The following POLR1D variants were observed in gnomAD, a reference collection of about 807,000 sequenced individuals.
The protein encoded by POLR1D is RNA polymerase I and III subunit D.
A neutral mutation model predicts 10.8 loss-of-function variants in POLR1D; 8 were observed. The observed-to-expected ratio is 0.74, with a 90% confidence interval of 0.43 to 1.33. The LOEUF (loss-of-function observed/expected upper bound fraction) is 1.33, where lower values mean the gene tolerates loss of function less well. Among genes scored for constraint, POLR1D ranks in the 40% most tolerant of loss-of-function variants. The probability of loss-of-function intolerance (pLI) is 0.01; values close to 1 mark genes in which losing one functional copy is unlikely to be tolerated. For synonymous variants in POLR1D, 54 were observed against 57.2 expected (o/e 0.94, Z 0.25); for missense variants, 152 against 161.7 (o/e 0.94, Z 0.32).
At chr13:27,656,247 G>T (rs1956307537) in intron 2 of POLR1D, among the ~76,000 whole-genome samples, 1 of 152,126 alleles carries the variant, frequency 6.6e-6, no homozygotes, top group South Asian at 2.1e-4. Context: ...TAGACTGGTT[G>T]AAATTATTTG....
chr13:27,633,561 G>A (rs1479734943), intron 1 of POLR1D, among the ~76,000 whole-genome samples: 1 of 152,168 alleles, frequency 6.6e-6, no homozygotes, highest in Non-Finnish European at 1.5e-5. Flanking sequence ...GCACTTGAAG[G>A]ACAAAACAAA....
exon 3 of POLR1D, chr13:27,666,814 C>A (rs938947106): frequency 5.3e-5 from 8 of 152,090 alleles, no homozygotes; most frequent in Admixed American, 5.2e-4. Context: ...TTTTCATATA[C>A]AATTACAAAC....
intron 1 of POLR1D, among the ~76,000 whole-genome samples, chr13:27,637,880 A>G (rs1189374755): frequency 6.6e-6 from 1 of 151,898 alleles, no homozygotes; most frequent in South Asian, 2.1e-4. Flanking sequence ...ATCCTCCCCC[A>G]TCAGCCTCCT....
At chr13:27,623,570 G>A, downstream of POLR1D, 1 of 292,818 alleles carries the variant, frequency 3.4e-6, no homozygotes, top group South Asian at 3.8e-5. Context: ...CAAGAACTGT[G>A]ATCATGGGAA....
intron 2 of POLR1D, among the ~76,000 whole-genome samples, chr13:27,655,115 T>G (rs2138564923): frequency 6.6e-6 from 1 of 152,304 alleles, no homozygotes; most frequent in Non-Finnish European, 1.5e-5. Context: ...AGATAGGATG[T>G]CTACCCATAG....
At chr13:27,644,389 A>G (rs1455325774) in intron 1 of POLR1D, among the ~76,000 whole-genome samples, 2 of 152,354 alleles carry the variant, frequency 1.3e-5, no homozygotes, top group East Asian at 3.9e-4. Context: ...CCAGATTTGC[A>G]TTCCTACTTG....
chr13:27,648,222 T>C (rs1436674544), intron 1 of POLR1D: 2 of 572,334 alleles, frequency 3.5e-6, no homozygotes, highest in Non-Finnish European at 6.4e-6. Flanking sequence ...CTTTTTAATT[T>C]ATGTGTTCAA....
chr13:27,629,258 T>C (rs1180369891), intron 1 of POLR1D, among the ~76,000 whole-genome samples: 2 of 152,230 alleles, frequency 1.3e-5, no homozygotes, highest in Non-Finnish European at 2.9e-5. Context: ...GCCTGGGTTT[T>C]GATCCTGGCT....
chr13:27,650,152 G>A (rs1956253096), intron 2 of POLR1D: 1 of 397,822 alleles, frequency 2.5e-6, no homozygotes, highest in Non-Finnish European at 4.4e-6. Flanking sequence ...CCCAGCATCA[G>A]TGTGTGATAA....
At chr13:27,630,096 A>G (rs944739537) in intron 1 of POLR1D, among the ~76,000 whole-genome samples, 1 of 152,020 alleles carries the variant, frequency 6.6e-6, no homozygotes, top group Non-Finnish European at 1.5e-5. Context: ...ATTTTTTAGT[A>G]GAGACGGGGT....
At chr13:27,661,110 A>C (rs1005718051) in intron 2 of POLR1D, among the ~76,000 whole-genome samples, 2 of 152,250 alleles carry the variant, frequency 1.3e-5, no homozygotes, top group African/African-American at 2.4e-5. Context: ...GTGAGTCTTC[A>C]TCTCTCCAGT....
At chr13:27,634,256 C>CACAA (rs2138536186) in intron 1 of POLR1D, among the ~76,000 whole-genome samples, 1 of 152,270 alleles carries the variant, frequency 6.6e-6, no homozygotes, top group South Asian at 2.1e-4. Context: ...TGATTAGGAA[C>CACAA]TGTTGTGCTG....
chr13:27,643,479 T>C (rs896832248), intron 1 of POLR1D, among the ~76,000 whole-genome samples: 8 of 152,188 alleles, frequency 5.3e-5, no homozygotes, highest in Non-Finnish European at 1.2e-4. Context: ...CACTAAGTCA[T>C]AAAGAACCCA....
intron 1 of POLR1D, among the ~76,000 whole-genome samples, chr13:27,637,395 G>T (rs1306481721): frequency 1.3e-5 from 2 of 152,116 alleles, no homozygotes; most frequent in Non-Finnish European, 1.5e-5. Flanking sequence ...TACAACTTTG[G>T]CCAGCTAAGA....
downstream of POLR1D, among the ~76,000 whole-genome samples, chr13:27,623,670 A>G (rs1044416820): frequency 1.3e-4 from 17 of 128,212 alleles, no homozygotes; most frequent in Non-Finnish European, 2.6e-4. Context: ...TTGTTGTTTA[A>G]AAACAGAAGG....
chr13:27,638,770 A>G (rs888335158), intron 1 of POLR1D, among the ~76,000 whole-genome samples: 5 of 152,208 alleles, frequency 3.3e-5, no homozygotes, highest in Admixed American at 6.5e-5. Flanking sequence ...AGAACTGCAG[A>G]TGATTTGTAT....
intron 1 of POLR1D, among the ~76,000 whole-genome samples, chr13:27,647,396 T>C (rs1326499774): frequency 6.6e-6 from 1 of 151,724 alleles, no homozygotes; most frequent in Non-Finnish European, 1.5e-5. Context: ...TTATTATTTT[T>C]ATTTTTTTTA....
At chr13:27,642,962 C>T (rs1334985834) in intron 1 of POLR1D, among the ~76,000 whole-genome samples, 2 of 152,130 alleles carry the variant, frequency 1.3e-5, no homozygotes, top group Non-Finnish European at 2.9e-5. Flanking sequence ...AACTCATGTT[C>T]CTCCATCACC....
Position 27,665,988 on chromosome 13 carries a change from C to T in POLR1D, c.*35C>T, listed in dbSNP as rs1041994326. On this transcript the variant is annotated 3_prime_UTR_variant, in exon 3 of 3. Coordinates refer to the POLR1D transcript ENST00000399697. ...CAGGGCCAGCCAGCCCTGCGGGCCT[C>T]CGTGCTCCTTCGGGGTGCGGTGTGC... 3 of 1,607,384 alleles carry T rather than the reference C, an allele frequency of 1.9e-6. No homozygotes were observed. In the African/African-American group the frequency reaches 4.0e-5, roughly 22 times the overall value.
Sources: gnomAD v4.1 joint callset for allele counts (sites outside exome capture counted in the v4.1 genomes callset) on GRCh38, gnomAD v4.1.1 for gene constraint, MANE v1.5 for transcripts, NCBI Gene and HGNC (gene_info 2026-07-23, HGNC 2026-07-21) for gene names.